NAV2: variants seen among roughly 807,000 people sequenced by gnomAD.
The protein encoded by NAV2 is neuron navigator 2.
NAV2 carries 54 observed loss-of-function variants against 223.2 expected under a neutral mutation model. The observed-to-expected ratio is 0.24, with a 90% CI of 0.19 to 0.30. The LOEUF is 0.30. NAV2 is among the 10% of genes least tolerant of loss of function. The pLI, the probability that NAV2 is intolerant of heterozygous loss-of-function variation, is 1.00. For missense variants in NAV2, 2,806 were observed against 3,147.5 expected (o/e 0.89, Z 2.60); for synonymous variants, 1,279 against 1,239.3 (o/e 1.03, Z -0.67).
chr11:20,065,474 A>T (rs1475123101), intron 20 of NAV2, among the ~76,000 whole-genome samples: 1 of 152,246 alleles, frequency 6.6e-6, no homozygotes, highest in Non-Finnish European at 1.5e-5. Flanking sequence ...TACCTCTTGG[A>T]GTAGAGAAAA....
At chr11:19,856,776 A>G (rs1456703337) in intron 3 of NAV2, among the ~76,000 whole-genome samples, 1 of 124,616 alleles carries the variant, frequency 8.0e-6, no homozygotes, top group Non-Finnish European at 1.8e-5. Context: ...GTAGGTGAGC[A>G]AAGTCCTGCA....
At chr11:19,748,768 A>G (rs952557485) in intron 1 of NAV2, among the ~76,000 whole-genome samples, 1 of 152,232 alleles carries the variant, frequency 6.6e-6, no homozygotes, top group African/African-American at 2.4e-5. Flanking sequence ...CAGGCACCTC[A>G]CTTCACAGAG....
intron 1 of NAV2, among the ~76,000 whole-genome samples, chr11:19,417,198 C>A (rs989960129): frequency 1.3e-5 from 2 of 152,156 alleles, no homozygotes; most frequent in African/African-American, 4.8e-5. Context: ...ATCTATCCGT[C>A]TGACAAAGGG....
chr11:19,544,547 C>T (rs2044434005), intron 1 of NAV2, among the ~76,000 whole-genome samples: 1 of 152,324 alleles, frequency 6.6e-6, no homozygotes, highest in South Asian at 2.1e-4. Flanking sequence ...CAGGGATTAG[C>T]TGGGCCACAT....
intron 1 of NAV2, among the ~76,000 whole-genome samples, chr11:19,583,789 C>T (rs1272161890): frequency 2.6e-5 from 4 of 152,228 alleles, no homozygotes; most frequent in East Asian, 3.9e-4. Flanking sequence ...CAGTATTTTA[C>T]TGAGGATTTT....
intron 1 of NAV2, among the ~76,000 whole-genome samples, chr11:19,781,302 T>C (rs981791360): frequency 4.6e-5 from 7 of 152,192 alleles, no homozygotes; most frequent in Non-Finnish European, 1.0e-4. Context: ...GCAGTATAGA[T>C]GCCTGTGCTC....
At chr11:19,575,833 G>A (rs1225373986) in intron 1 of NAV2, among the ~76,000 whole-genome samples, 1 of 152,188 alleles carries the variant, frequency 6.6e-6, no homozygotes, top group African/African-American at 2.4e-5. Context: ...GTGTATTGAA[G>A]GTCACTGTAC....
At chr11:20,054,339 C>A in intron 18 of NAV2, 99 bp downstream of exon 18, 1 of 1,291,466 alleles carries the variant, frequency 7.7e-7, no homozygotes, top group Non-Finnish European at 1.0e-6. Context: ...TTTTGGGGAG[C>A]AGGTGGTTTT....
intron 1 of NAV2, among the ~76,000 whole-genome samples, chr11:19,518,934 T>C (rs2043552753): frequency 6.6e-6 from 1 of 152,030 alleles, no homozygotes; most frequent in Admixed American, 6.6e-5. Context: ...CCCATAGAGC[T>C]CCCTCACCTT....
At chr11:19,782,918 T>A (rs2056847834) in intron 1 of NAV2, among the ~76,000 whole-genome samples, 1 of 152,202 alleles carries the variant, frequency 6.6e-6, no homozygotes. Flanking sequence ...GGATTGCCCT[T>A]GTGACCAGAA....
At chr11:19,900,614 G>C (rs979750650) in intron 6 of NAV2, among the ~76,000 whole-genome samples, 2 of 152,106 alleles carry the variant, frequency 1.3e-5, no homozygotes, top group African/African-American at 2.4e-5. Context: ...TACCCCAAGG[G>C]AGTATGTAAC....
chr11:19,944,155 C>T (rs1448984793), intron 8 of NAV2, among the ~76,000 whole-genome samples: 2 of 152,096 alleles, frequency 1.3e-5, no homozygotes, highest in East Asian at 1.9e-4. Context: ...GAGCTGAGAT[C>T]GTGCCACTGC....
chr11:20,015,998 A>G (rs1343141873), intron 11 of NAV2, among the ~76,000 whole-genome samples: 1 of 152,230 alleles, frequency 6.6e-6, no homozygotes, highest in Non-Finnish European at 1.5e-5. Flanking sequence ...TATGACTACG[A>G]GCAAATCATC....
chr11:19,922,407 A>T (rs2044355944), intron 6 of NAV2, among the ~76,000 whole-genome samples: 1 of 152,060 alleles, frequency 6.6e-6, no homozygotes, highest in African/African-American at 2.4e-5. Flanking sequence ...CTCTTCCTTG[A>T]GCATGGTTTA....
At chr11:20,072,131 G>T (rs967453522) in intron 22 of NAV2, among the ~76,000 whole-genome samples, 1 of 152,064 alleles carries the variant, frequency 6.6e-6, no homozygotes, top group African/African-American at 2.4e-5. Context: ...GTAAGGAAGG[G>T]GTCCAGTTTC....
intron 1 of NAV2, among the ~76,000 whole-genome samples, chr11:19,639,338 T>G (rs1189011328): frequency 1.3e-5 from 2 of 152,224 alleles, no homozygotes; most frequent in Non-Finnish European, 2.9e-5. Flanking sequence ...CCTCTATGAC[T>G]GCCCCTGTGT....
chr11:19,767,579 C>T (rs1467731459), intron 1 of NAV2, among the ~76,000 whole-genome samples: 2 of 152,102 alleles, frequency 1.3e-5, no homozygotes, highest in African/African-American at 4.8e-5. Flanking sequence ...GCAATAATAC[C>T]AATAGGAACA....
rs534817999 is a variant in NAV2 at position 19,991,601 on chromosome 11, C to T, written c.2768+7354C>T. Among the ~76,000 whole-genome samples, 48 of 152,156 alleles carry T rather than the reference C, an allele frequency of 3.2e-4. 2 individuals are homozygous for T. The South Asian group carries it at 8.5e-3, about 27-fold the overall frequency. On this transcript the variant is annotated intron_variant, in intron 11 of 37. Transcript: ENST00000349880. ...ATAAAAAGAACAATTATAAAATAAA[C>T]GAGTATAGCATTAAGACTGTGGGGA...
At chr11:20,109,038 G>A (rs1374528869) in intron 36 of NAV2, among the ~76,000 whole-genome samples, 1 of 152,178 alleles carries the variant, frequency 6.6e-6, no homozygotes, top group Non-Finnish European at 1.5e-5. Context: ...GGACTGGTGT[G>A]CACCCACAGG....
Sources: gnomAD v4.1 joint callset for allele counts (sites outside exome capture counted in the v4.1 genomes callset) on GRCh38, gnomAD v4.1.1 for gene constraint, MANE v1.5 for transcripts, NCBI Gene and HGNC (gene_info 2026-07-23, HGNC 2026-07-21) for gene names.